The following RPL9 variants were observed in gnomAD, a reference collection of about 807,000 sequenced individuals.
RPL9 encodes the protein large ribosomal subunit protein uL6.
For synonymous variants in RPL9, 82 were observed against 77.1 expected, an observed-to-expected ratio of 1.06 and a Z score of -0.33; for missense variants, 149 against 236.7, an observed-to-expected ratio of 0.63 and a Z score of 2.43.
intron 4 of RPL9, 155 bp from the exon 5 acceptor site, chr4:39,456,693 TTCTG>T (rs1246654020): frequency 3.8e-6 from 3 of 796,136 alleles, no homozygotes; most frequent in African/African-American, 3.5e-5. Flanking sequence ...ATAAACATTG[TTCTG>T]TCTATTCAGT....
rs772601982 is a variant in RPL9, at chr4:39,457,628, A to T, written c.216T>A (p.Thr72=). The change falls in exon 4 of 8, where the codon ACT becomes ACA. Residue 72 remains threonine (T), a synonymous_variant. Coordinates refer to ENST00000295955, the MANE Select transcript of RPL9 (RefSeq NM_000661.5). ...GNRKELATVR[T]ICSHVQNMIK... is the part of the protein sequence containing the mutation. ...TCATGTTCTGTACATGACTACAAAT[A>T]GTCCGAACGGTAGCCAGTTCCTTTC... 6.2e-7 allele frequency: 1 copy of T among 1,614,192 alleles called. No individual in the cohort carries two copies. The highest frequency in any genetic ancestry group is 1.1e-5 in the South Asian group (1 of 91,084).
At chr4:39,457,353 TAA>T (rs60817258) in intron 4 of RPL9, 263 of 301,650 alleles carry the variant, frequency 8.7e-4, no homozygotes, top group East Asian at 2.5e-3. Context: ...CAGCCTTGAT[TAA>T]AAAAAAAAAA....
At chr4:39,458,716 T>G in intron 1 of RPL9, 175 bp downstream of exon 1, 1 of 638,296 alleles carries the variant, frequency 1.6e-6, no homozygotes, top group Non-Finnish European at 2.8e-6. Flanking sequence ...GGGGCGGGAA[T>G]AGGCCAAAAA....
At position 39,454,237 on chromosome 4, in the gene RPL9, G is replaced by T; in HGVS notation, c.*11-12C>A. On this transcript the variant is annotated splice_polypyrimidine_tract_variant and intron_variant, in intron 7 of 7. Coordinates refer to ENST00000295955, the MANE Select transcript of RPL9 (RefSeq NM_000661.5). The stretch of plus-strand genomic sequence containing the variant: ...CTGTAGCCAGGTAACTGTAAAAAAA[G>T]AAAAAAAATCTGTAAATCCCCATCA... 5.0e-6 allele frequency: 1 copy of T among 201,968 alleles called. No individual in the cohort carries two copies. The highest frequency in any genetic ancestry group is 2.3e-5 in the African/African-American group (1 of 43,012). The allele number at this position is 201,968 out of a possible 1,614,324, so 12.5% of individuals were successfully genotyped here.
Position 39,458,900 on chromosome 4 carries a change from G to A in RPL9, c.-11C>T. ...ACAGAAACATCCTTACCTCGCAGTA[G>A]ACGCAGCAAAGAAAGAACGTCTGTC... is the stretch of plus-strand genomic sequence containing the variant. On this transcript the variant is annotated 5_prime_UTR_variant, in exon 1 of 8. Coordinates refer to ENST00000295955, the MANE Select transcript of RPL9 (RefSeq NM_000661.5). The A allele has an allele frequency of 1.4e-6, 1 of 705,346 alleles. No homozygotes were observed. The allele number at this position is 705,346 out of a possible 1,614,324, so 43.7% of individuals were successfully genotyped here. A position where few individuals can be genotyped will look rare whatever the true frequency, so the allele number is the denominator to read the frequency against.
chr4:39,456,730 G>A (rs1578224189), intron 4 of RPL9, 192 bp from the exon 5 acceptor site: 3 of 612,548 alleles, frequency 4.9e-6, no homozygotes, highest in African/African-American at 1.9e-5. Flanking sequence ...TCCTTGCGGA[G>A]GCTTTATTTC....
intron 5 of RPL9, chr4:39,456,021 G>A (rs1744072269): frequency 7.6e-6 from 2 of 263,608 alleles, no homozygotes; most frequent in South Asian, 3.9e-5. Flanking sequence ...AGTGATGGAT[G>A]TGTTAATTAG....
chr4:39,458,623 G>C, intron 1 of RPL9, 183 bp from the exon 2 acceptor site: 1 of 642,644 alleles, frequency 1.6e-6, no homozygotes, highest in Non-Finnish European at 2.7e-6. Flanking sequence ...CCCAAAGCGA[G>C]AATTACGAGG....
intron 1 of RPL9, chr4:39,458,663 C>A (rs1744240796): frequency 4.8e-6 from 3 of 623,580 alleles, no homozygotes; most frequent in African/African-American, 1.8e-5. Flanking sequence ...CTCAGCCCAA[C>A]CCTGGAAGTC....
Position 39,454,577 on chromosome 4 carries a change from G to A in RPL9, c.545C>T (p.Ser182Phe). 2 of 1,612,774 alleles carry A rather than the reference G, an allele frequency of 1.2e-6. No individual in the cohort carries two copies. Among genetic ancestry groups the A allele is most frequent in the Non-Finnish European group, 1.7e-6 (2 of 1,179,616 alleles). ...AGCCTGCTGAACAGTTCCTTTTTCAGAGACATAGATACCATCCAAAAATTT... is the reference window on the plus strand; with the variant it reads ...AGCCTGCTGAACAGTTCCTTTTTCAAAGACATAGATACCATCCAAAAATTT... ...IRKFLDGIYV[S>F]EKGTVQQADE Residue 182 changes from serine to phenylalanine, a missense_variant, in exon 7 of 8, where the codon TCT becomes TTT. By Grantham distance (155) the Ser-to-Phe change is radical. Coordinates refer to ENST00000295955, the MANE Select transcript of RPL9 (RefSeq NM_000661.5).
chr4:39,457,222 T>TA (rs1744125425), intron 4 of RPL9: 1 of 171,680 alleles, frequency 5.8e-6, no homozygotes, highest in East Asian at 1.6e-4. Context: ...ATCATTAGCC[T>TA]ACTTTTTAAA....
Position 39,457,631 on chromosome 4 carries a change from C to T in RPL9, c.213G>A (p.Arg71=). ...WGNRKELATV[R]TICSHVQNMI... ...TGTTCTGTACATGACTACAAATAGT[C>T]CGAACGGTAGCCAGTTCCTTTCTGT... Residue 71 remains arginine, a synonymous_variant, in exon 4 of 8, where the codon CGG becomes CGA. Coordinates refer to ENST00000295955, the MANE Select transcript of RPL9 (RefSeq NM_000661.5). 6.2e-6 allele frequency: 10 copies of T among 1,614,166 alleles called. No homozygotes were observed. The highest frequency in any genetic ancestry group is 8.5e-6 in the Non-Finnish European group (10 of 1,180,030).
rs747317987 is a variant in RPL9 at position 39,454,585 on chromosome 4, G to T, written c.537C>A (p.Ile179=). 1.4e-5 allele frequency: 22 copies of T among 1,613,220 alleles called. 1 individual carries two copies. In the South Asian group the frequency reaches 2.4e-4, roughly 18 times the overall value. The part of the protein sequence containing the change: ...NKDIRKFLDG[I]YVSEKGTVQQ... ...GAACAGTTCCTTTTTCAGAGACATA[G>T]ATACCATCCAAAAATTTCCTGATAT... The change falls in exon 7 of 8, where the codon ATC becomes ATA. Residue 179 remains isoleucine, a synonymous_variant. Coordinates refer to ENST00000295955, the MANE Select transcript of RPL9 (RefSeq NM_000661.5).
At chr4:39,456,209 A>G (rs1446100072) in intron 5 of RPL9, 197 bp downstream of exon 5, 8 of 617,906 alleles carry the variant, frequency 1.3e-5, no homozygotes, top group Middle Eastern at 2.9e-4. Context: ...CTGAAATTGT[A>G]ATCGACATAA....
chr4:39,458,177 A>C lies in RPL9; in HGVS notation c.162+17T>G. ...CCTTCCAACGAGCAACTGAATTATC[A>C]GAAGAAAAACCCTCACCCTCTTTTT... On this transcript the variant is annotated intron_variant, in intron 3 of 7. Coordinates refer to ENST00000295955, the MANE Select transcript of RPL9 (RefSeq NM_000661.5). 6.2e-7 allele frequency: 1 copy of C among 1,612,778 alleles called. No individual in the cohort carries two copies. Among genetic ancestry groups the C allele is most frequent in the Non-Finnish European group, 8.5e-7 (1 of 1,178,856 alleles).
intron 4 of RPL9, 194 bp downstream of exon 4, chr4:39,457,392 T>G: frequency 2.1e-6 from 1 of 486,950 alleles, no homozygotes; most frequent in Non-Finnish European, 3.6e-6. Context: ...AAAACAAACA[T>G]GTTGTACCCA....
At chr4:39,455,070 C>T in intron 5 of RPL9, 126 bp from the exon 6 acceptor site, 1 of 979,090 alleles carries the variant, frequency 1.0e-6, no homozygotes, top group Non-Finnish European at 1.5e-6. Context: ...GATTTTGAGG[C>T]CGGGCACAGT....
intron 4 of RPL9, 156 bp from the exon 5 acceptor site, chr4:39,456,694 TC>T (rs1744100263): frequency 1.3e-6 from 1 of 796,454 alleles, no homozygotes; most frequent in Admixed American, 2.9e-5. Context: ...TAAACATTGT[TC>T]TGTCTATTCA....
chr4:39,455,801 TAAAGC>T (rs1744063719), intron 5 of RPL9: 1 of 158,858 alleles, frequency 6.3e-6, no homozygotes, highest in Non-Finnish European at 1.4e-5. Flanking sequence ...AAATTTTTTT[TAAAGC>T]TACTGTGTTT....
Sources: gnomAD v4.1 joint callset for allele counts on GRCh38, gnomAD v4.1.1 for gene constraint, MANE v1.5 for transcripts, NCBI Gene and HGNC (gene_info 2026-07-23, HGNC 2026-07-21) for gene names.